Variants in MST1 observed in about 807,000 individuals in gnomAD.
MST1 encodes the protein macrophage stimulating 1.
In MST1, 76 loss-of-function variants were observed where a neutral mutation model predicts 100.1. The ratio of observed to expected loss-of-function variants is 0.76; its 90% CI spans 0.63 to 0.92. The LOEUF (loss-of-function observed/expected upper bound fraction) is 0.92, where lower values mean the gene tolerates loss of function less well. MST1 is among the 40% of genes least tolerant of loss of function. MST1 has a pLI of 0.00. For synonymous variants in MST1, 352 were observed against 385.4 expected (o/e 0.91, Z 1.01); for missense variants, 850 against 990.0 (o/e 0.86, Z 1.90).
At position 49,686,192 on chromosome 3, in the gene MST1, T is replaced by C. The variant is rs759766133; in HGVS notation, c.1017A>G (p.Lys339=). 3 of 1,610,488 alleles carry C rather than the reference T, an allele frequency of 1.9e-6. No individual in the cohort carries two copies. Among genetic ancestry groups the C allele is most frequent in the Non-Finnish European group, 2.5e-6 (3 of 1,179,468 alleles). ...HRFTPEKYAC[K]DLRENFCRNP... ...TCCGGCAGAAGTTCTCCCGAAGGTC[T>C]CTAAGCAGGCGCTCCACTCAGCCCT... The change falls in exon 9 of 18, where the codon AAA becomes AAG. Residue 339 remains lysine, a splice_region_variant and synonymous_variant. Transcript: ENST00000449682.
At chr3:49,686,885 C>T in intron 6 of MST1, 62 bp downstream of exon 6, 3 of 1,611,804 alleles carry the variant, frequency 1.9e-6, no homozygotes, top group Non-Finnish European at 1.7e-6. Flanking sequence ...CGGAGCCCTG[C>T]CCCTGGAGTC....
In MST1 at chr3:49,684,511, C is replaced by T. The variant is rs1163500878; in HGVS notation, c.1876+39G>A. On this transcript the variant is annotated intron_variant, in intron 16 of 17. Transcript: ENST00000449682. ...TCCTGCAGGAAGATCCAGGGCTGGG[C>T]CTCCTGGCCACCAGCAGTCCTGTGC... 3.1e-6 allele frequency: 5 copies of T among 1,613,410 alleles called. No individual in the cohort carries two copies. In the African/African-American group the frequency reaches 5.3e-5, roughly 17 times the overall value.
rs1294581230 is a variant in MST1, at chr3:49,687,970, C to T, written c.95-73G>A. Reference sequence around the variant, plus strand: ...AGTAATGTGTATTGGCATGTCCACACTTTGTTCATTCAGGGGATCAAAGCT... The same window carrying T: ...AGTAATGTGTATTGGCATGTCCACATTTTGTTCATTCAGGGGATCAAAGCT... On this transcript the variant is annotated intron_variant, in intron 1 of 17. Coordinates refer to ENST00000449682, the MANE Select transcript of MST1 (RefSeq NM_020998.4). The T allele has an allele frequency of 3.4e-6, 5 of 1,490,908 alleles. No individual in the cohort carries two copies. In the South Asian group the frequency reaches 4.0e-5, roughly 12 times the overall value. 92.4% of individuals were successfully genotyped at this position (1,490,908 alleles called of 1,614,324 possible).
rs1575494672 is a variant in MST1, at chr3:49,685,671, C to T, written c.1312G>A (p.Gly438Arg). The T allele has an allele frequency of 6.2e-7, 1 of 1,613,330 alleles. No homozygotes were observed. The highest frequency in any genetic ancestry group is 1.1e-5 in the South Asian group (1 of 91,086). Residue 438 changes from glycine (G) to arginine (R), a missense_variant, in exon 11 of 18, where the codon GGG becomes AGG. Coordinates refer to ENST00000449682, the MANE Select transcript of MST1 (RefSeq NM_020998.4). The stretch of plus-strand genomic sequence containing the variant: ...TAGCACCAGGGCCCATGGCTATCCC[C>T]ATCTGGGTTCCGGCAGAAGTTCTCC... ...LEENFCRNPD[G>R]DSHGPWCYTM...
chr3:49,686,516 A>G lies in MST1; in HGVS notation c.848-35T>C, dbSNP rs772548052. The G allele has an allele frequency of 1.6e-5, 26 of 1,607,922 alleles. No individual in the cohort carries two copies. In the African/African-American group the frequency reaches 2.0e-4, roughly 12 times the overall value. ...ACCGAGATAGGTCGGGCCCCGAGCG[A>G]GAGCTGAGATCCCTCTGGGGCTGGG... On this transcript the variant is annotated intron_variant, in intron 7 of 17. Coordinates refer to ENST00000449682, the MANE Select transcript of MST1 (RefSeq NM_020998.4).
rs1344835415 is a variant in MST1, at chr3:49,687,216, A to T, written c.540T>A (p.Gly180=). The T allele has an allele frequency of 5.0e-6, 8 of 1,613,064 alleles. No homozygotes were observed. In the East Asian group the frequency reaches 6.7e-5, roughly 13 times the overall value. The part of the protein sequence containing the change: ...FCRNPDGDPG[G]PWCYTTDPAV... ...CAGGGTCTGTTGTGTAGCACCAAGG[A>T]CCTCCGGGGTCGCCATCAGGGTTAC... Residue 180 remains glycine (G), a synonymous_variant, in exon 5 of 18, where the codon GGT becomes GGA. Transcript: ENST00000449682.
intron 7 of MST1, 80 bp from the exon 8 acceptor site, chr3:49,686,561 G>A: frequency 6.3e-7 from 1 of 1,577,200 alleles, no homozygotes; most frequent in Non-Finnish European, 8.6e-7. Context: ...GCCTTTCCCA[G>A]GTGTACGGTA....
chr3:49,685,117 A>G, intron 13 of MST1, 28 bp from the exon 14 acceptor site: 1 of 1,607,290 alleles, frequency 6.2e-7, no homozygotes, highest in African/African-American at 1.3e-5. Context: ...TAGGACAGGT[A>G]ACAGACTCCT....
Position 49,688,630 on chromosome 3 carries a change from A to C in MST1, c.62T>G (p.Leu21Arg). Reference sequence around the variant, plus strand: ...CCCTAAGCATTGAGTCAGAAGCAGCAGGAGTGGGAGCCACCCCATCCTTCT... The same window carrying C: ...CCCTAAGCATTGAGTCAGAAGCAGCCGGAGTGGGAGCCACCCCATCCTTCT... ...PARRMGWLPL[L>R]LLLTQCLGVP... Residue 21 changes from leucine to arginine, a missense_variant, in exon 1 of 18, where the codon CTG becomes CGG. Transcript: ENST00000449682. The C allele has an allele frequency of 6.2e-7, 1 of 1,612,246 alleles. No homozygotes were observed. The highest frequency in any genetic ancestry group is 1.1e-5 in the South Asian group (1 of 90,558).
rs993837636 is a variant in MST1, at chr3:49,687,777, C to T, written c.215G>A (p.Gly72Asp). ...GCAGTCCATTAAGGGCCCACAGCGACCAGCACACTCTTCAGCATCTGCCAC... is the reference window on the plus strand; with the variant it reads ...GCAGTCCATTAAGGGCCCACAGCGATCAGCACACTCTTCAGCATCTGCCAC... ...EDVADAEECA[G>D]RCGPLMDCRA... Residue 72 changes from glycine (G) to aspartate (D), a missense_variant, in exon 2 of 18, where the codon GGT becomes GAT. Transcript: ENST00000449682. The T allele has an allele frequency of 6.2e-7, 1 of 1,613,508 alleles. No homozygotes were observed. The highest frequency in any genetic ancestry group is 1.3e-5 in the African/African-American group (1 of 74,940).
rs779605960 is a variant in MST1, at chr3:49,687,030, G to A, written c.645C>T (p.Gly215=). ...GCCCTGACTCCGTGCGGTCTACCGCGCCGCGGTATTCCTCGCCATTGCACC... is the reference window on the plus strand; with the variant it reads ...GCCCTGACTCCGTGCGGTCTACCGCACCGCGGTATTCCTCGCCATTGCACC... ...CVWCNGEEYR[G]AVDRTESGRE... The change falls in exon 6 of 18, where the codon GGC becomes GGT. Residue 215 remains glycine (G), a synonymous_variant. Coordinates refer to ENST00000449682, the MANE Select transcript of MST1 (RefSeq NM_020998.4). The A allele has an allele frequency of 6.8e-6, 11 of 1,611,648 alleles. No individual in the cohort carries two copies. The highest frequency in any genetic ancestry group is 3.3e-5 in the Admixed American group (2 of 60,024).
In MST1 at chr3:49,684,101, G is replaced by C; in HGVS notation, c.2105C>G (p.Ser702Cys). The C allele has an allele frequency of 6.2e-7, 1 of 1,613,694 alleles. No homozygotes were observed. The highest frequency in any genetic ancestry group is 8.5e-7 in the Non-Finnish European group (1 of 1,179,864). The change falls in exon 18 of 18, where the codon TCC (serine) becomes TGC (cysteine). Residue 702 changes from serine to cysteine, a missense_variant. By Grantham distance (112) the Ser-to-Cys change is moderately radical (BLOSUM62 -1). This residue lies in a region of MST1 where 816 missense variants were observed against 924.6 expected (regional missense o/e 0.88). Transcript: ENST00000449682. Reference protein sequence around the residue: ...IIIPNRVCARSRWPAVFTRVS... With the variant: ...IIIPNRVCARCRWPAVFTRVS... The stretch of plus-strand genomic sequence containing the variant: ...ACGCGTGAAGACAGCTGGCCAGCGG[G>C]ACCTTGCGCATACTCGGTTGGGGAT...
Position 49,687,653 on chromosome 3 carries a change from G to T in MST1, c.258C>A (p.Asn86Lys), listed in dbSNP as rs201833731. Residue 86 changes from asparagine (N) to lysine (K), a missense_variant, in exon 3 of 18, where the codon AAC (asparagine) becomes AAA (lysine). Transcript: ENST00000449682. ...GCAGTTGGCAACCATGGCTGCTCAC[G>T]TTGTAGTGGAAGGCCCTGGAGAGAA... Reference protein sequence around the residue: ...PLMDCRAFHYNVSSHGCQLLP... With the variant: ...PLMDCRAFHYKVSSHGCQLLP... 6.2e-7 allele frequency: 1 copy of T among 1,613,486 alleles called. No individual in the cohort carries two copies. Among genetic ancestry groups the T allele is most frequent in the Non-Finnish European group, 8.5e-7 (1 of 1,179,868 alleles).
At chr3:49,686,549 C>T in intron 7 of MST1, 68 bp from the exon 8 acceptor site, 2 of 1,588,598 alleles carry the variant, frequency 1.3e-6, no homozygotes, top group South Asian at 1.1e-5. Flanking sequence ...GGGACCAAAC[C>T]CGCCTTTCCC....
At position 49,686,165 on chromosome 3, in the gene MST1, G is replaced by C. The variant is rs1218978081; in HGVS notation, c.1044C>G (p.Asn348Lys). 2 of 1,611,454 alleles carry C rather than the reference G, an allele frequency of 1.2e-6. No individual in the cohort carries two copies. Among genetic ancestry groups the C allele is most frequent in the Non-Finnish European group, 1.7e-6 (2 of 1,179,592 alleles). The change falls in exon 9 of 18, where the codon AAC (asparagine) becomes AAG (lysine). Residue 348 changes from asparagine to lysine, a missense_variant. This residue lies in a region of MST1 where 816 missense variants were observed against 924.6 expected (regional missense o/e 0.88). Transcript: ENST00000449682. ...ACCAGGGCGCCTCTGAGCCGTCGGG[G>C]TTCCGGCAGAAGTTCTCCCGAAGGT... The part of the protein sequence containing the change: ...CKDLRENFCR[N>K]PDGSEAPWCF...
At chr3:49,686,921 A>G (rs767516386) in intron 6 of MST1, 26 bp downstream of exon 6, 1 of 1,611,640 alleles carries the variant, frequency 6.2e-7, no homozygotes, top group Non-Finnish European at 8.5e-7. Context: ...CCCGGCCCCC[A>G]GGACGCCGAT....
Position 49,685,723 on chromosome 3 carries a change from A to C in MST1, c.1260T>G (p.Phe420Leu). 2.5e-6 allele frequency: 4 copies of C among 1,613,208 alleles called. No individual in the cohort carries two copies. The highest frequency in any genetic ancestry group is 3.4e-6 in the Non-Finnish European group (4 of 1,179,842). Residue 420 changes from phenylalanine (F) to leucine (L), a missense_variant, in exon 11 of 18, where the codon TTT (phenylalanine) becomes TTG (leucine). Physicochemically the swap from Phe to Leu is conservative, Grantham distance 22 (BLOSUM62 0). This residue lies in a region of MST1 where 816 missense variants were observed against 924.6 expected (regional missense o/e 0.88). Transcript: ENST00000449682. ...AETPHKPQFTFTSEPHAQLEE... is the reference protein window; with the variant it reads ...AETPHKPQFTLTSEPHAQLEE... ...CCAGTTGTGCATGCGGTTCGGAGGT[A>C]AACGTGAACCTAGGCGGAAGCGGGA...
At chr3:49,688,341 A>G in intron 1 of MST1, 1 of 523,848 alleles carries the variant, frequency 1.9e-6, no homozygotes, top group Middle Eastern at 5.2e-4. Context: ...CAGGCTCAGG[A>G]GGGGTCACTG....
chr3:49,687,792 G>A lies in MST1; in HGVS notation c.200C>T (p.Ala67Val), dbSNP rs1439486338. ...CCCACAGCGACCAGCACACTCTTCA[G>A]CATCTGCCACATCCTCCTGCCAAGG... ...PGPWQEDVAD[A>V]EECAGRCGPL... Residue 67 changes from alanine (A) to valine (V), a missense_variant, in exon 2 of 18, where the codon GCT becomes GTT. Physicochemically the swap from Ala to Val is moderately conservative, Grantham distance 64. Coordinates refer to ENST00000449682, the MANE Select transcript of MST1 (RefSeq NM_020998.4). The A allele has an allele frequency of 6.2e-7, 1 of 1,613,482 alleles. No individual in the cohort carries two copies. Among genetic ancestry groups the A allele is most frequent in the Non-Finnish European group, 8.5e-7 (1 of 1,179,866 alleles).
Sources: gnomAD v4.1 joint callset for allele counts on GRCh38, gnomAD v4.1.1 for gene constraint, gnomAD v4.1.1 regional missense constraint, MANE v1.5 for transcripts, NCBI Gene and HGNC (gene_info 2026-07-23, HGNC 2026-07-21) for gene names.